Variants in CYYR1 observed in about 807,000 individuals in gnomAD.
CYYR1 encodes the protein cysteine and tyrosine-rich protein 1.
A neutral mutation model predicts 15.2 loss-of-function variants in CYYR1; 14 were observed. That is an observed-to-expected ratio of 0.92 (90% CI 0.61 to 1.44). The LOEUF (loss-of-function observed/expected upper bound fraction) is 1.44, where lower values mean the gene tolerates loss of function less well. CYYR1 is among the 40% of genes most tolerant of loss of function. The pLI, the probability that CYYR1 is intolerant of heterozygous loss-of-function variation, is 0.00. For missense variants in CYYR1, 228 were observed against 209.5 expected, an observed-to-expected ratio of 1.09 and a Z score of -0.54; for synonymous variants, 80 against 77.4, an observed-to-expected ratio of 1.03 and a Z score of -0.18.
chr21:26,568,380 T>A (rs1033949936), intron 1 of CYYR1: 2 of 152,118 alleles, frequency 1.3e-5, no homozygotes, highest in Non-Finnish European at 2.9e-5. Context: ...CCCTACTCAA[T>A]AAATGGTGTT....
chr21:26,527,264 A>G (rs2065879040), intron 2 of CYYR1, among the ~76,000 whole-genome samples: 2 of 152,226 alleles, frequency 1.3e-5, no homozygotes, highest in South Asian at 4.1e-4. Flanking sequence ...AAGTAGTCTC[A>G]TCAATAAACT....
At chr21:26,506,416 T>C (rs889434595) in intron 2 of CYYR1, among the ~76,000 whole-genome samples, 5 of 152,174 alleles carry the variant, frequency 3.3e-5, no homozygotes, top group African/African-American at 9.7e-5. Context: ...AATACTGTTA[T>C]TTTTGACTGT....
intron 2 of CYYR1, among the ~76,000 whole-genome samples, chr21:26,486,914 A>ATAT (rs1413499259): frequency 1.7e-4 from 26 of 152,060 alleles, no homozygotes; most frequent in Admixed American, 1.6e-3. Flanking sequence ...CGCCAGAGTA[A>ATAT]TATTTATCTT....
At chr21:26,468,876 G>A (rs1196674112) in intron 3 of CYYR1, among the ~76,000 whole-genome samples, 1 of 152,106 alleles carries the variant, frequency 6.6e-6, no homozygotes, top group Admixed American at 6.6e-5. Flanking sequence ...ATGCTGAAGT[G>A]GCAGAAAGAG....
At chr21:26,538,895 A>G (rs1384333588) in intron 2 of CYYR1, among the ~76,000 whole-genome samples, 2 of 152,210 alleles carry the variant, frequency 1.3e-5, no homozygotes, top group Admixed American at 6.5e-5. Flanking sequence ...CTATTAAACC[A>G]TTAAATTTGT....
chr21:26,499,187 T>C (rs2065447450), intron 2 of CYYR1, among the ~76,000 whole-genome samples: 1 of 152,210 alleles, frequency 6.6e-6, no homozygotes, highest in Non-Finnish European at 1.5e-5. Context: ...TTTGCAGGTG[T>C]AATTACATTG....
intron 2 of CYYR1, among the ~76,000 whole-genome samples, chr21:26,505,321 T>C (rs2123491207): frequency 6.6e-6 from 1 of 152,248 alleles, no homozygotes; most frequent in South Asian, 2.1e-4. Flanking sequence ...TAAAAAGCAA[T>C]AAAAGCCCAA....
chr21:26,537,420 G>C (rs1273423968), intron 2 of CYYR1, among the ~76,000 whole-genome samples: 1 of 152,092 alleles, frequency 6.6e-6, no homozygotes, highest in Non-Finnish European at 1.5e-5. Context: ...ATACTAAAAA[G>C]CTCTCAGTGC....
In CYYR1 at chr21:26,546,838, G is replaced by A. The variant is rs1979008332; in HGVS notation, c.176+19428C>T. ...TTACAGCCCTACAGCAACAATAGTG[G>A]ATACGTCAGGAAATAACTTGCCCAG... is the stretch of plus-strand genomic sequence containing the variant. On this transcript the variant is annotated intron_variant, in intron 2 of 3. Coordinates refer to ENST00000652641, the MANE Select transcript of CYYR1 (RefSeq NM_001320768.2). 3.3e-5 allele frequency among the ~76,000 whole-genome samples: 5 copies of A among 152,156 alleles called. No homozygotes were observed. In the South Asian group the frequency reaches 1.0e-3, roughly 32 times the overall value.
At chr21:26,531,590 C>T (rs1224692224) in intron 2 of CYYR1, among the ~76,000 whole-genome samples, 1 of 152,138 alleles carries the variant, frequency 6.6e-6, no homozygotes, top group Non-Finnish European at 1.5e-5. Context: ...CCTTCACTTT[C>T]CACTATGACT....
At chr21:26,470,458 G>A (rs1057029355) in intron 3 of CYYR1, 3 of 152,058 alleles carry the variant, frequency 2.0e-5, no homozygotes, top group African/African-American at 7.2e-5. Context: ...TCATGGGGGT[G>A]GATTTCCCCC....
intron 2 of CYYR1, among the ~76,000 whole-genome samples, chr21:26,516,298 C>A (rs1456980912): frequency 6.6e-6 from 1 of 152,106 alleles, no homozygotes; most frequent in African/African-American, 2.4e-5. Context: ...AACTGTAGGG[C>A]AAAATGTATT....
In CYYR1 at chr21:26,566,353, T is replaced by C; in HGVS notation, c.89A>G (p.Gln30Arg). The stretch of plus-strand genomic sequence containing the variant: ...GTAAGATTTGCAATCTTTGCCACAC[T>C]GAGCAAGGCAATCATCTACAAAACA... Reference protein sequence around the residue: ...LFVYADDCLAQCGKDCKSYCC... With the variant: ...LFVYADDCLARCGKDCKSYCC... Residue 30 changes from glutamine to arginine, a missense_variant, in exon 2 of 4, where the codon CAG becomes CGG. Transcript: ENST00000652641. 6.2e-7 allele frequency: 1 copy of C among 1,613,410 alleles called. No homozygotes were observed. Among genetic ancestry groups the C allele is most frequent in the Non-Finnish European group, 8.5e-7 (1 of 1,179,516 alleles).
chr21:26,561,964 A>G (rs1016105781), intron 2 of CYYR1, among the ~76,000 whole-genome samples: 1 of 152,186 alleles, frequency 6.6e-6, no homozygotes, highest in African/African-American at 2.4e-5. Context: ...AGGACTCTAT[A>G]AACCACATTT....
intron 2 of CYYR1, among the ~76,000 whole-genome samples, chr21:26,508,206 TG>T (rs1205289400): frequency 6.6e-6 from 1 of 152,184 alleles, no homozygotes; most frequent in Admixed American, 6.5e-5. Context: ...CGGCTTTGTG[TG>T]GCTGCAGCAA....
At chr21:26,548,415 T>C (rs1333936335) in intron 2 of CYYR1, among the ~76,000 whole-genome samples, 3 of 152,238 alleles carry the variant, frequency 2.0e-5, no homozygotes, top group South Asian at 2.1e-4. Flanking sequence ...GGCATGAGTA[T>C]GGCTCATTAC....
At chr21:26,490,752 C>G (rs1267058528) in intron 2 of CYYR1, among the ~76,000 whole-genome samples, 1 of 152,168 alleles carries the variant, frequency 6.6e-6, no homozygotes, top group Admixed American at 6.6e-5. Context: ...CAAACTGGAG[C>G]TTGGCAGTCC....
intron 2 of CYYR1, among the ~76,000 whole-genome samples, chr21:26,484,781 G>A (rs186062164): frequency 2.0e-4 from 31 of 152,188 alleles, no homozygotes; most frequent in Admixed American, 1.9e-3. Context: ...TTAAATAGAG[G>A]AAAGTAGAAA....
At chr21:26,567,066 G>T (rs576378168) in intron 1 of CYYR1, among the ~76,000 whole-genome samples, 1 of 151,030 alleles carries the variant, frequency 6.6e-6, no homozygotes, top group East Asian at 1.9e-4. Context: ...TCCCAACTGA[G>T]CTCAATCAAT....
Sources: gnomAD v4.1 joint callset for allele counts (sites outside exome capture counted in the v4.1 genomes callset) on GRCh38, gnomAD v4.1.1 for gene constraint, MANE v1.5 for transcripts, NCBI Gene and HGNC (gene_info 2026-07-23, HGNC 2026-07-21) for gene names.